Variants in DNAI1 observed in about 807,000 individuals in gnomAD.
DNAI1 encodes dynein, axonemal, intermediate polypeptide 1.
In DNAI1, 67 loss-of-function variants were observed where a neutral mutation model predicts 92.0. That is an observed-to-expected ratio of 0.73 (90% CI 0.60 to 0.89). The LOEUF (loss-of-function observed/expected upper bound fraction) is 0.89, where lower values mean the gene tolerates loss of function less well. DNAI1 is among the 40% of genes least tolerant of loss of function. The probability of loss-of-function intolerance (pLI) is 0.00; values close to 1 mark genes in which losing one functional copy is unlikely to be tolerated. For synonymous variants in DNAI1, 323 were observed against 319.6 expected, an observed-to-expected ratio of 1.01 and a Z score of -0.11; for missense variants, 839 against 866.6, an observed-to-expected ratio of 0.97 and a Z score of 0.40.
Position 34,497,097 on chromosome 9 carries a change from G to A in DNAI1, c.817-18G>A. 6.2e-7 allele frequency: 1 copy of A among 1,609,862 alleles called. No homozygotes were observed. On this transcript the variant is annotated intron_variant, in intron 9 of 19. Transcript: ENST00000242317. ...AAGTGCTGGTTTATGAGGACCTGAA[G>A]TTTCTGTATCCCCACAGACTGATGA...
At chr9:34,517,561 TC>T in intron 19 of DNAI1, 94 bp downstream of exon 19, 1 of 1,452,060 alleles carries the variant, frequency 6.9e-7, no homozygotes, top group Non-Finnish European at 9.6e-7. Context: ...CCACCCAGTT[TC>T]TGATGTGGGA....
At chr9:34,476,213 A>T (rs2132048918) in intron 1 of DNAI1, among the ~76,000 whole-genome samples, 1 of 152,270 alleles carries the variant, frequency 6.6e-6, no homozygotes, top group South Asian at 2.1e-4. Flanking sequence ...AGGGATGGTG[A>T]TGGTAATCAA....
At chr9:34,512,589 C>T (rs1287014842) in intron 15 of DNAI1, among the ~76,000 whole-genome samples, 165 bp downstream of exon 15, 1 of 152,224 alleles carries the variant, frequency 6.6e-6, no homozygotes, top group Non-Finnish European at 1.5e-5. Context: ...GAACCCTTGG[C>T]TGTTTGTAGA....
At chr9:34,480,436 C>T (rs1824330201) in intron 1 of DNAI1, among the ~76,000 whole-genome samples, 1 of 151,714 alleles carries the variant, frequency 6.6e-6, no homozygotes, top group South Asian at 2.1e-4. Flanking sequence ...TGCCACCACA[C>T]CCGGCTAATT....
At chr9:34,471,767 TA>T (rs541604886) in intron 1 of DNAI1, among the ~76,000 whole-genome samples, 55 of 145,316 alleles carry the variant, frequency 3.8e-4, no homozygotes, top group South Asian at 1.5e-3. Flanking sequence ...GAGACTCCAT[TA>T]AAAAAAAAAA....
In DNAI1 at chr9:34,485,446, G is replaced by A; in HGVS notation, c.190G>A (p.Glu64Lys). The A allele has an allele frequency of 6.2e-7, 1 of 1,614,094 alleles. No individual in the cohort carries two copies. Among genetic ancestry groups the A allele is most frequent in the Non-Finnish European group, 8.5e-7 (1 of 1,180,012 alleles). The change falls in exon 4 of 20, where the codon GAG (glutamate) becomes AAG (lysine). Residue 64 changes from glutamate (E) to lysine (K), a missense_variant. By Grantham distance (56) the Glu-to-Lys change is moderately conservative. Transcript: ENST00000242317. ...QLELTDAELK[E>K]EFTRILTANN... ...TATTTTTCTCCCTCAGGAGTTAAAG[G>A]AGGAGTTCACTCGGATTTTGACAGC...
chr9:34,461,077 C>T (rs879334089), intron 1 of DNAI1, among the ~76,000 whole-genome samples: 1 of 152,050 alleles, frequency 6.6e-6, no homozygotes, highest in Admixed American at 6.6e-5. Context: ...CTCCTGACCT[C>T]GTGATCTGCC....
In DNAI1 at chr9:34,506,816, C is replaced by T; in HGVS notation, c.1253C>T (p.Ser418Phe). 6.2e-7 allele frequency: 1 copy of T among 1,614,180 alleles called. No individual in the cohort carries two copies. The change falls in exon 13 of 20, where the codon TCC becomes TTC. Residue 418 changes from serine (S) to phenylalanine (F), a missense_variant. Coordinates refer to ENST00000242317, the MANE Select transcript of DNAI1 (RefSeq NM_012144.4). ...VAIYNLKKPH[S>F]QPSFCSSAKS... Reference sequence around the variant, plus strand: ...ATTTACAACCTCAAGAAGCCCCACTCCCAGCCCTCCTTCTGCAGCTCAGCC... The same window carrying T: ...ATTTACAACCTCAAGAAGCCCCACTTCCAGCCCTCCTTCTGCAGCTCAGCC...
In DNAI1 at chr9:34,520,843, C is replaced by A; in HGVS notation, c.*87C>A. 1 of 1,259,486 alleles carries A rather than the reference C, an allele frequency of 7.9e-7. No individual in the cohort carries two copies. The highest frequency in any genetic ancestry group is 1.1e-6 in the Non-Finnish European group (1 of 881,540). The allele number at this position is 1,259,486 out of a possible 1,614,324, so 78.0% of individuals were successfully genotyped here. A position where few individuals can be genotyped will look rare whatever the true frequency, so the allele number is the denominator to read the frequency against. On this transcript the variant is annotated 3_prime_UTR_variant, in exon 20 of 20. Transcript: ENST00000242317. The stretch of plus-strand genomic sequence containing the variant: ...TACCCAGCCCAGCCTTAGCACCCAG[C>A]ATGTGACCCCACTCCTGATCAGGTC...
chr9:34,459,712 C>G (rs929128328), intron 1 of DNAI1, among the ~76,000 whole-genome samples: 2 of 152,238 alleles, frequency 1.3e-5, no homozygotes, highest in African/African-American at 4.8e-5. Context: ...TTCCGAAGTG[C>G]TGGGATTACA....
rs1587091911 is a variant in DNAI1 at position 34,514,393 on chromosome 9, G to T, written c.1570-1G>T. 14 of 1,613,928 alleles carry T rather than the reference G, an allele frequency of 8.7e-6. No homozygotes were observed. Among genetic ancestry groups the T allele is most frequent in the Non-Finnish European group, 1.2e-5 (14 of 1,180,040 alleles). On this transcript the variant is annotated splice_acceptor_variant, in intron 16 of 19. Transcript: ENST00000242317. LOFTEE classifies it high-confidence loss of function. ...CTGACCCCCGTTCCCTCCCCGACCA[G>T]TGCTCTAAATCCTACTCCAGCCAAT...
At chr9:34,499,063 T>C (rs1396941844) in intron 10 of DNAI1, among the ~76,000 whole-genome samples, 3 of 152,214 alleles carry the variant, frequency 2.0e-5, no homozygotes, top group Non-Finnish European at 4.4e-5. Flanking sequence ...GTATTGAACT[T>C]TGATTTTTTT....
intron 19 of DNAI1, among the ~76,000 whole-genome samples, chr9:34,520,090 CT>C (rs1363805341): frequency 6.6e-6 from 1 of 152,146 alleles, no homozygotes; most frequent in African/African-American, 2.4e-5. Context: ...TTATGGGTCT[CT>C]TGACACTCTT....
At chr9:34,484,808 A>C (rs939129053) in intron 2 of DNAI1, among the ~76,000 whole-genome samples, 6 of 152,212 alleles carry the variant, frequency 3.9e-5, no homozygotes, top group African/African-American at 1.4e-4. Flanking sequence ...TTTGGCTGTT[A>C]GTCCTAAACA....
chr9:34,482,396 C>G (rs1824377637), intron 1 of DNAI1, among the ~76,000 whole-genome samples: 1 of 147,122 alleles, frequency 6.8e-6, no homozygotes, highest in Non-Finnish European at 1.5e-5. Flanking sequence ...ACGTCCTCAC[C>G]AGAGCAGCTA....
chr9:34,487,777 C>A (rs1311545497), intron 4 of DNAI1, among the ~76,000 whole-genome samples: 1 of 152,150 alleles, frequency 6.6e-6, no homozygotes. Flanking sequence ...CTCACCTTAC[C>A]CAACCTCCCA....
intron 13 of DNAI1, among the ~76,000 whole-genome samples, chr9:34,509,862 C>T (rs140248842): frequency 3.4e-5 from 5 of 148,474 alleles, no homozygotes; most frequent in East Asian, 4.0e-4. Flanking sequence ...CACTGCAGTC[C>T]GCAGTCCGGC....
At chr9:34,509,899 CAAAAAAAAA>C (rs141472357) in intron 13 of DNAI1, among the ~76,000 whole-genome samples, 1 of 105,106 alleles carries the variant, frequency 9.5e-6, no homozygotes, top group Non-Finnish European at 2.0e-5. Flanking sequence ...GACTCCGTCT[CAAAAAAAAA>C]AAAAAAAGAA....
intron 1 of DNAI1, among the ~76,000 whole-genome samples, chr9:34,473,371 C>T (rs1393360466): frequency 6.6e-6 from 1 of 151,766 alleles, no homozygotes; most frequent in Admixed American, 6.6e-5. Context: ...CAGCTCACTG[C>T]AACCTCCGCC....
Sources: allele counts gnomAD v4.1 joint callset (sites outside exome capture counted in the v4.1 genomes callset), GRCh38; gene constraint gnomAD v4.1.1; transcripts MANE v1.5; gene names NCBI Gene and HGNC (gene_info 2026-07-23, HGNC 2026-07-21).